The following COL4A6 variants were observed in gnomAD, a reference collection of about 807,000 sequenced individuals.
COL4A6 encodes collagen type IV alpha 6 chain, also known as collagen alpha-6(IV) chain.
COL4A6 carries 59 observed loss-of-function variants against 126.7 expected under a neutral mutation model. That is an observed-to-expected ratio of 0.47 (90% CI 0.38 to 0.58). The LOEUF (loss-of-function observed/expected upper bound fraction) is 0.58. Ranked by LOEUF, COL4A6 falls within the 20% of genes least tolerant of loss-of-function variation. COL4A6 has a pLI of 0.00. For missense variants in COL4A6, 1,285 were observed against 1,337.3 expected (o/e 0.96, Z 0.61); for synonymous variants, 547 against 496.6 (o/e 1.10, Z -1.35).
intron 3 of COL4A6, among the ~76,000 whole-genome samples, chrX:108,234,221 A>C (rs1335649268): frequency 8.9e-6 from 1 of 112,303 alleles, no homozygotes; most frequent in Non-Finnish European, 1.9e-5. Context: ...GTCCATGGCC[A>C]TGCAGTTTAT....
At chrX:108,323,355 T>G (rs954444662) in intron 2 of COL4A6, among the ~76,000 whole-genome samples, 4 of 111,929 alleles carry the variant, frequency 3.6e-5, no homozygotes, top group African/African-American at 1.3e-4. Flanking sequence ...AAAAGCTTGA[T>G]ACAGGAGATA....
At chrX:108,204,203 T>C (rs1352830284) in intron 12 of COL4A6, 117 bp downstream of exon 12, 2 of 502,827 alleles carry the variant, frequency 4.0e-6, no homozygotes, top group Non-Finnish European at 5.8e-6. Context: ...TAAACAAAAA[T>C]CCATTACCCA....
rs768434240 is a variant in COL4A6 at position 108,201,272 on chromosome X, C to A, written c.834+1656G>T. Among the ~76,000 whole-genome samples the A allele has an allele frequency of 5.4e-5, 6 of 111,861 alleles. No homozygotes were observed. In the East Asian group the frequency reaches 1.7e-3, roughly 32 times the overall value. On this transcript the variant is annotated intron_variant, in intron 13 of 44. Coordinates refer to ENST00000334504, the MANE Select transcript of COL4A6 (RefSeq NM_033641.4). ...CAGGCAGGCCTAGTCATCTTTGATT[C>A]ATCCATTTCCCACCTGATCCCTATT...
rs766521167 is a variant in COL4A6, at chrX:108,175,774, C to G, written c.2710G>C (p.Val904Leu). Reference protein sequence around the residue: ...PKGEKGSVGFVGFPGIPGLPG... With the variant: ...PKGEKGSVGFLGFPGIPGLPG... ...AGACCTGGTATTCCTGGAAAACCTA[C>G]GAATCCAACAGACCCCTTCTCTCCT... Residue 904 changes from valine (V) to leucine (L), a missense_variant, in exon 29 of 45, where the codon GTA (valine) becomes CTA (leucine). Val to Leu is a conservative substitution (Grantham distance 32, BLOSUM62 1). Transcript: ENST00000334504. The G allele has an allele frequency of 1.7e-6, 2 of 1,195,154 alleles. No homozygotes were observed. Among genetic ancestry groups the G allele is most frequent in the South Asian group, 3.7e-5 (2 of 54,355 alleles).
At chrX:108,435,395 T>C (rs910460865) in intron 2 of COL4A6, among the ~76,000 whole-genome samples, 3 of 112,218 alleles carry the variant, frequency 2.7e-5, no homozygotes, top group Non-Finnish European at 5.6e-5. Flanking sequence ...AGATAATAAC[T>C]TATCATTAAG....
chrX:108,336,002 G>GT (rs1190499125), intron 2 of COL4A6, among the ~76,000 whole-genome samples: 4 of 111,601 alleles, frequency 3.6e-5, no homozygotes, highest in Admixed American at 9.5e-5. Flanking sequence ...CAACTAGCAA[G>GT]TAACAAAGCC....
intron 3 of COL4A6, among the ~76,000 whole-genome samples, chrX:108,239,881 T>C (rs755379703): frequency 8.9e-6 from 1 of 112,432 alleles, no homozygotes; most frequent in Non-Finnish European, 1.9e-5. Context: ...ACATTTATTC[T>C]TCTATCTACA....
At chrX:108,183,668 G>C (rs1002117303) in intron 23 of COL4A6, 1 of 790,464 alleles carries the variant, frequency 1.3e-6, no homozygotes, top group African/African-American at 2.2e-5. Context: ...AACAAAAAAG[G>C]GGTGTTTAGC....
At chrX:108,174,698 G>T in intron 30 of COL4A6, 77 bp from the exon 31 acceptor site, 1 of 933,553 alleles carries the variant, frequency 1.1e-6, no homozygotes, top group Non-Finnish European at 1.5e-6. Context: ...AGGTGCCCCA[G>T]GTCGCAGGCC....
In COL4A6 at chrX:108,194,568, C is replaced by T; in HGVS notation, c.968G>A (p.Gly323Glu). The T allele has an allele frequency of 7.4e-6, 9 of 1,210,895 alleles. No individual in the cohort carries two copies. The highest frequency in any genetic ancestry group is 1.0e-5 in the Non-Finnish European group (9 of 894,900). ...PGQQGKKGTL[G>E]FPGLNGFQGI... is the part of the protein sequence containing the mutation. ...TTGGAATCCATTAAGCCCAGGAAAT[C>T]CCAGGGTCCCTTTCTTGCCCTGTGA... The change falls in exon 16 of 45, where the codon GGA becomes GAA. Residue 323 changes from glycine to glutamate, a missense_variant. Transcript: ENST00000334504.
intron 18 of COL4A6, 118 bp from the exon 19 acceptor site, chrX:108,191,651 T>C: frequency 1.2e-6 from 1 of 869,002 alleles, no homozygotes; most frequent in Non-Finnish European, 1.6e-6. Flanking sequence ...GCATTTGCCC[T>C]TCTCTTGTAT....
intron 2 of COL4A6, among the ~76,000 whole-genome samples, chrX:108,343,319 CAG>C (rs1364493257): frequency 9.4e-6 from 1 of 106,762 alleles, no homozygotes; most frequent in Non-Finnish European, 1.9e-5. Flanking sequence ...CCATCTAAAT[CAG>C]GGGGACGGAA....
intron 3 of COL4A6, among the ~76,000 whole-genome samples, chrX:108,307,887 A>C (rs188220389): frequency 1.6e-3 from 175 of 111,749 alleles, no homozygotes; most frequent in African/African-American, 5.5e-3. Flanking sequence ...TGGTGCTTCA[A>C]GCATCCACGT....
chrX:108,403,284 T>G (rs1304582428), intron 2 of COL4A6, among the ~76,000 whole-genome samples: 1 of 75,019 alleles, frequency 1.3e-5, no homozygotes, highest in Non-Finnish European at 2.6e-5. Flanking sequence ...CTCTCTCTCA[T>G]CTTGTTTTGG....
chrX:108,359,746 T>A (rs763309697), intron 2 of COL4A6, among the ~76,000 whole-genome samples: 2 of 112,226 alleles, frequency 1.8e-5, no homozygotes, highest in African/African-American at 6.5e-5. Flanking sequence ...AGCAAATATA[T>A]GGTATTCATT....
chrX:108,225,551 G>A (rs919374063), intron 3 of COL4A6, among the ~76,000 whole-genome samples: 2 of 112,578 alleles, frequency 1.8e-5, no homozygotes, highest in African/African-American at 3.2e-5. Context: ...GCCAGGAACC[G>A]CAGGTCTGCA....
chrX:108,318,461 A>T (rs1225671747), intron 2 of COL4A6, among the ~76,000 whole-genome samples: 12 of 111,048 alleles, frequency 1.1e-4, no homozygotes, highest in South Asian at 3.9e-4. Flanking sequence ...ACATGATTGT[A>T]TATCTAGAAA....
At chrX:108,425,844 A>C in intron 2 of COL4A6, among the ~76,000 whole-genome samples, 1 of 110,955 alleles carries the variant, frequency 9.0e-6, no homozygotes, top group Middle Eastern at 4.6e-3. Flanking sequence ...TACTGTTAAA[A>C]ATTTGAATTG....
At chrX:108,277,807 G>A (rs1357722236) in intron 3 of COL4A6, among the ~76,000 whole-genome samples, 1 of 111,810 alleles carries the variant, frequency 8.9e-6, no homozygotes, top group African/African-American at 3.2e-5. Flanking sequence ...CCAGAGGAAC[G>A]ATCAGACAGC....
Sources: gnomAD v4.1 joint callset for allele counts (sites outside exome capture counted in the v4.1 genomes callset) on GRCh38, gnomAD v4.1.1 for gene constraint, MANE v1.5 for transcripts, NCBI Gene and HGNC (gene_info 2026-07-23, HGNC 2026-07-21) for gene names.